Variants in NUDT4 observed in about 807,000 individuals in gnomAD.
NUDT4 encodes diphosphoinositol polyphosphate phosphohydrolase 2.
NUDT4 carries 5 observed loss-of-function variants against 23.1 expected under a neutral mutation model. The observed-to-expected ratio is 0.22, with a 90% CI of 0.11 to 0.46. NUDT4 has a LOEUF of 0.46. Ranked by LOEUF, NUDT4 falls within the 20% of genes least tolerant of loss-of-function variation. NUDT4 has a pLI of 0.99. For synonymous variants in NUDT4, 50 were observed against 79.0 expected (o/e 0.63, Z 1.95); for missense variants, 96 against 211.6 (o/e 0.45, Z 3.39).
At position 93,402,081 on chromosome 12, in the gene NUDT4, CAG is replaced by C. The variant is rs1470971251; in HGVS notation, c.*2704_*2705del. 1.4e-5 allele frequency: 2 copies of C among 147,988 alleles called. No homozygotes were observed. Among genetic ancestry groups the C allele is most frequent in the African/African-American group, 4.9e-5 (2 of 40,410 alleles). The allele number at this position is 147,988 out of a possible 1,614,324, so 9.2% of individuals were successfully genotyped here. On this transcript the variant is annotated 3_prime_UTR_variant, in exon 5 of 5. Transcript: ENST00000415493. ...GTGCTGCATGATGTTATTTTGTAAA[CAG>C]ATGACATTTTCTGACCAGGCACATG...
At position 93,402,516 on chromosome 12, in the gene NUDT4, G is replaced by C. The variant is rs939203821; in HGVS notation, c.*3137G>C. The C allele has an allele frequency of 2.6e-5, 4 of 152,066 alleles. No homozygotes were observed. Among genetic ancestry groups the C allele is most frequent in the African/African-American group, 9.7e-5 (4 of 41,394 alleles). The allele number at this position is 152,066 out of a possible 1,614,324, so 9.4% of individuals were successfully genotyped here. A position where few individuals can be genotyped will look rare whatever the true frequency, so the allele number is the denominator to read the frequency against. ...GGAATTCCACAGTAACACCTTTACT[G>C]TTCTCCCATTGATGATCATATACGT... On this transcript the variant is annotated 3_prime_UTR_variant, in exon 5 of 5. Transcript: ENST00000415493.
chr12:93,383,074 ATTTT>A (rs367746876), intron 1 of NUDT4, among the ~76,000 whole-genome samples: 3 of 144,420 alleles, frequency 2.1e-5, no homozygotes, highest in Non-Finnish European at 3.0e-5. Context: ...TTTGCATTGG[ATTTT>A]TTTTTTTTTT....
In NUDT4 at chr12:93,405,655, A is replaced by G. The variant is rs375215752; in HGVS notation, c.*6276A>G. Reference sequence around the variant, plus strand: ...GAGATGAGTGCAGGGGTGAGTGTATAGTTAAGAAAACAAACAATATATTAC... The same window carrying G: ...GAGATGAGTGCAGGGGTGAGTGTATGGTTAAGAAAACAAACAATATATTAC... On this transcript the variant is annotated 3_prime_UTR_variant, in exon 5 of 5. Coordinates refer to ENST00000415493, the MANE Select transcript of NUDT4 (RefSeq NM_019094.6). 8.5e-5 allele frequency: 13 copies of G among 152,252 alleles called. No individual in the cohort carries two copies. Among genetic ancestry groups the G allele is most frequent in the African/African-American group, 3.1e-4 (13 of 41,468 alleles). 9.4% of individuals were successfully genotyped at this position (152,252 alleles called of 1,614,324 possible).
intron 1 of NUDT4, 83 bp downstream of exon 1, chr12:93,378,504 G>A: frequency 7.3e-7 from 1 of 1,368,980 alleles, no homozygotes; most frequent in Non-Finnish European, 9.6e-7. Flanking sequence ...CCGCCCCTGC[G>A]CAGGCTGCGG....
chr12:93,398,656 C>T lies in NUDT4; in HGVS notation c.256-115C>T, dbSNP rs1877118557. 5 of 653,376 alleles carry T rather than the reference C, an allele frequency of 7.7e-6. No homozygotes were observed. In the Admixed American group the frequency reaches 8.7e-5, roughly 11 times the overall value. The allele number at this position is 653,376 out of a possible 1,614,324, so 40.5% of individuals were successfully genotyped here. Reference sequence around the variant, plus strand: ...GTACAACTGAATATACTTGCCTGTGCTGGGAAATACGCTATGCTAATCAGC... The same window carrying T: ...GTACAACTGAATATACTTGCCTGTGTTGGGAAATACGCTATGCTAATCAGC... On this transcript the variant is annotated intron_variant, in intron 3 of 4. Transcript: ENST00000415493.
chr12:93,392,684 T>TC (rs1555193957), intron 1 of NUDT4, among the ~76,000 whole-genome samples: 1,212 of 101,548 alleles, frequency 0.012, 26 homozygotes, highest in Non-Finnish European at 0.017. Context: ...TTTTTTTTTT[T>TC]CCCCCGAGAT....
intron 1 of NUDT4, among the ~76,000 whole-genome samples, chr12:93,386,310 C>T (rs1876093471): frequency 1.3e-5 from 2 of 151,950 alleles, no homozygotes; most frequent in Non-Finnish European, 1.5e-5. Context: ...GGCACAGTGG[C>T]TCACACCTGT....
At chr12:93,396,571 T>G (rs1291916057) in intron 3 of NUDT4, among the ~76,000 whole-genome samples, 1 of 152,180 alleles carries the variant, frequency 6.6e-6, no homozygotes, top group African/African-American at 2.4e-5. Context: ...ATCCCGATTT[T>G]GTAGCACTTG....
chr12:93,384,763 C>G lies in NUDT4; in HGVS notation c.99+6342C>G, dbSNP rs1254571514. ...TTTCCTGTTGACTACTGTCAATACA[C>G]TATTCTTTTTTTTTTAAGAGTCTCA... On this transcript the variant is annotated intron_variant, in intron 1 of 4. Coordinates refer to ENST00000415493, the MANE Select transcript of NUDT4 (RefSeq NM_019094.6). Among the ~76,000 whole-genome samples the G allele has an allele frequency of 2.0e-5, 3 of 151,796 alleles. No individual in the cohort carries two copies. The East Asian group carries it at 5.8e-4, about 30-fold the overall frequency.
chr12:93,382,264 C>CAAA (rs61019568), intron 1 of NUDT4, among the ~76,000 whole-genome samples: 23 of 113,464 alleles, frequency 2.0e-4, no homozygotes, highest in African/African-American at 6.6e-4. Flanking sequence ...ACCCTGCCTG[C>CAAA]AAAAAAAAAA....
intron 1 of NUDT4, among the ~76,000 whole-genome samples, chr12:93,382,570 C>T (rs2120861100): frequency 6.6e-6 from 1 of 152,154 alleles, no homozygotes; most frequent in East Asian, 1.9e-4. Flanking sequence ...CCACCCTTTT[C>T]ACACATACTC....
intron 1 of NUDT4, among the ~76,000 whole-genome samples, chr12:93,390,134 T>C (rs1383997287): frequency 6.6e-6 from 1 of 152,206 alleles, no homozygotes; most frequent in Non-Finnish European, 1.5e-5. Flanking sequence ...AGTGATGATG[T>C]ACTTTTCAGG....
chr12:93,391,953 G>A (rs1016785381), intron 1 of NUDT4, among the ~76,000 whole-genome samples: 2 of 151,652 alleles, frequency 1.3e-5, no homozygotes, highest in Non-Finnish European at 2.9e-5. Flanking sequence ...GTGCAGTCTC[G>A]GCTCACTGCA....
chr12:93,398,926 A>G (rs1428494002), intron 4 of NUDT4, 71 bp downstream of exon 4: 3 of 1,121,260 alleles, frequency 2.7e-6, no homozygotes, highest in Admixed American at 4.1e-5. Context: ...AATATAGGTA[A>G]GTTCCCTTTT....
In NUDT4 at chr12:93,389,899, CA is replaced by C. The variant is rs112297022; in HGVS notation, c.100-4697del. On this transcript the variant is annotated intron_variant, in intron 1 of 4. Transcript: ENST00000415493. ...TGAATGACAGAGCGAGACTCTGTCT[CA>C]AAAAAAAAAAAATCTGAAGCATAAA... 8.4e-3 allele frequency among the ~76,000 whole-genome samples: 1,160 copies of C among 138,658 alleles called. 10 individuals are homozygous for C. Among genetic ancestry groups the C allele is most frequent in the African/African-American group, 0.026 (962 of 37,478 alleles). 91.0% of individuals were successfully genotyped at this position (138,658 alleles called of 152,430 possible).
At chr12:93,393,090 C>CTT (rs143810374) in intron 1 of NUDT4, among the ~76,000 whole-genome samples, 2,331 of 114,630 alleles carry the variant, frequency 0.02, 100 homozygotes, top group African/African-American at 0.073. Flanking sequence ...AGATTTCAGT[C>CTT]TTTTTTTTTT....
At chr12:93,397,608 C>T (rs967719402) in intron 3 of NUDT4, among the ~76,000 whole-genome samples, 21 of 152,262 alleles carry the variant, frequency 1.4e-4, no homozygotes, top group Admixed American at 7.8e-4. Context: ...CTCATCGCCA[C>T]GTCCGCCTCC....
chr12:93,383,548 T>A (rs1875844929), intron 1 of NUDT4, among the ~76,000 whole-genome samples: 1 of 152,150 alleles, frequency 6.6e-6, no homozygotes. Context: ...AGTTTCTGAG[T>A]AGGCCAGGTG....
At chr12:93,394,201 A>G (rs541744204) in intron 1 of NUDT4, among the ~76,000 whole-genome samples, 1 of 152,174 alleles carries the variant, frequency 6.6e-6, no homozygotes. Context: ...TTGGGGTTTC[A>G]CCATGTTAGC....
Sources: allele counts gnomAD v4.1 joint callset (sites outside exome capture counted in the v4.1 genomes callset), GRCh38; gene constraint gnomAD v4.1.1; transcripts MANE v1.5; gene names NCBI Gene and HGNC (gene_info 2026-07-23, HGNC 2026-07-21).